The following JMJD1C variants were observed in gnomAD, a reference collection of about 807,000 sequenced individuals.
JMJD1C encodes the protein jumonji domain containing 1C, also known as jumonji domain-containing protein 1C.
Under a neutral mutation model 245.3 loss-of-function variants are expected in JMJD1C, and 31 were observed. The observed-to-expected ratio is 0.13, with a 90% CI of 0.09 to 0.17. The LOEUF is 0.17. Ranked by LOEUF, JMJD1C falls within the 10% of genes least tolerant of loss-of-function variation. The pLI is 1.00. For synonymous variants in JMJD1C, 1,057 were observed against 1,017.4 expected (o/e 1.04, Z -0.74); for missense variants, 2,691 against 3,000.2 (o/e 0.90, Z 2.41).
chr10:63,380,031 T>C (rs1835945276), intron 2 of JMJD1C, among the ~76,000 whole-genome samples: 1 of 151,994 alleles, frequency 6.6e-6, no homozygotes, highest in African/African-American at 2.4e-5. Flanking sequence ...ACTTGGATTC[T>C]TGGGCTCACG....
chr10:63,189,417 G>A lies in JMJD1C; in HGVS notation c.6321C>T (p.Asn2107=). 6.2e-7 allele frequency: 1 copy of A among 1,613,388 alleles called. No homozygotes were observed. The highest frequency in any genetic ancestry group is 8.5e-7 in the Non-Finnish European group (1 of 1,179,804). The part of the protein sequence containing the change: ...PSSKSGRTMP[N]ILDDIIASVV... ...CTGAAGCAATTATGTCATCAAGAATGTTAGGCATAGTCCGTCCACTTTTGC... is the reference window on the plus strand; with the variant it reads ...CTGAAGCAATTATGTCATCAAGAATATTAGGCATAGTCCGTCCACTTTTGC... The change falls in exon 18 of 26, where the codon AAC becomes AAT. Residue 2107 remains asparagine (N), a synonymous_variant. Transcript: ENST00000399262.
intron 2 of JMJD1C, among the ~76,000 whole-genome samples, chr10:63,303,757 T>G (rs766565299): frequency 1.3e-5 from 2 of 152,178 alleles, no homozygotes; most frequent in Non-Finnish European, 2.9e-5. Context: ...TACAAACTAT[T>G]TGGATACAGG....
chr10:63,427,342 G>C (rs1950502238), intron 1 of JMJD1C: 2 of 1,088,014 alleles, frequency 1.8e-6, no homozygotes, highest in Admixed American at 3.8e-5. Flanking sequence ...GAGTTCCTGG[G>C]ACCAAGTGTT....
intron 2 of JMJD1C, among the ~76,000 whole-genome samples, chr10:63,328,290 AG>A (rs1354942965): frequency 8.6e-6 from 1 of 116,170 alleles, no homozygotes; most frequent in Non-Finnish European, 1.6e-5. Flanking sequence ...AAAAAAAAAA[AG>A]AAAGAAAAGA....
chr10:63,205,885 G>A (rs887382007), intron 10 of JMJD1C, among the ~76,000 whole-genome samples: 1 of 152,062 alleles, frequency 6.6e-6, no homozygotes, highest in Non-Finnish European at 1.5e-5. Context: ...GTGCGGTGGT[G>A]CAATCATGGC....
intron 1 of JMJD1C, among the ~76,000 whole-genome samples, chr10:63,493,249 CTTTTTTTTTT>C (rs752941477): frequency 1.6e-4 from 8 of 49,142 alleles, no homozygotes; most frequent in East Asian, 7.9e-4. Flanking sequence ...ACTGTTATTT[CTTTTTTTTTT>C]TTTTTTTTTT....
At chr10:63,482,241 T>C (rs1405450036) in intron 1 of JMJD1C, among the ~76,000 whole-genome samples, 1 of 152,220 alleles carries the variant, frequency 6.6e-6, no homozygotes, top group Non-Finnish European at 1.5e-5. Context: ...ATTAAGGACT[T>C]AACTATTCAC....
intron 3 of JMJD1C, among the ~76,000 whole-genome samples, chr10:63,260,454 T>C (rs530272050): frequency 2.0e-5 from 3 of 152,266 alleles, no homozygotes; most frequent in African/African-American, 7.2e-5. Context: ...AGCTAAATAT[T>C]TCATTTCATT....
chr10:63,369,161 T>C lies in JMJD1C; in HGVS notation c.333+11157A>G, dbSNP rs575211091. 1.1e-4 allele frequency among the ~76,000 whole-genome samples: 17 copies of C among 152,132 alleles called. 1 individual carries two copies. The South Asian group carries it at 3.5e-3, about 32-fold the overall frequency. ...TCTTTCTCTTTCTCTCTCTCTTTTC[T>C]TCTCCTCTTCTCGTCTCACTCTGTT... is the stretch of plus-strand genomic sequence containing the variant. On this transcript the variant is annotated intron_variant, in intron 2 of 25. Transcript: ENST00000399262.
intron 2 of JMJD1C, among the ~76,000 whole-genome samples, chr10:63,280,258 A>T (rs1857238571): frequency 6.6e-6 from 1 of 152,126 alleles, no homozygotes; most frequent in African/African-American, 2.4e-5. Flanking sequence ...TTATTTAAAA[A>T]GTTAGTGTAG....
intron 2 of JMJD1C, among the ~76,000 whole-genome samples, chr10:63,320,371 A>G (rs1230694069): frequency 6.6e-6 from 1 of 152,036 alleles, no homozygotes; most frequent in African/African-American, 2.4e-5. Context: ...GTAATCCAGT[A>G]TATTATTTTT....
intron 2 of JMJD1C, among the ~76,000 whole-genome samples, chr10:63,337,558 G>GAA (rs1181614030): frequency 4.7e-5 from 1 of 21,330 alleles, no homozygotes; most frequent in South Asian, 2.2e-3. Flanking sequence ...GACAAGAAAA[G>GAA]AAAAGAAAAG....
chr10:63,242,583 G>T (rs1851620494), intron 3 of JMJD1C, among the ~76,000 whole-genome samples: 1 of 152,124 alleles, frequency 6.6e-6, no homozygotes, highest in South Asian at 2.1e-4. Flanking sequence ...AAAATTAGCT[G>T]GGCATGGTGG....
chr10:63,236,171 CTTT>C (rs1360446720), intron 3 of JMJD1C, among the ~76,000 whole-genome samples: 3 of 152,110 alleles, frequency 2.0e-5, no homozygotes, highest in Non-Finnish European at 4.4e-5. Flanking sequence ...TATTAACTAG[CTTT>C]TTTATTAATT....
At chr10:63,325,546 G>A (rs937582688) in intron 2 of JMJD1C, among the ~76,000 whole-genome samples, 3 of 152,044 alleles carry the variant, frequency 2.0e-5, no homozygotes, top group Admixed American at 2.0e-4. Context: ...GTCAATTTCT[G>A]GCTCTTTGGA....
intron 1 of JMJD1C, among the ~76,000 whole-genome samples, chr10:63,514,743 A>C (rs1256761371): frequency 6.6e-6 from 1 of 152,124 alleles, no homozygotes; most frequent in Admixed American, 6.5e-5. Flanking sequence ...CCTAGGTAAC[A>C]GACCACACAC....
intron 2 of JMJD1C, among the ~76,000 whole-genome samples, chr10:63,374,748 A>G (rs1428520904): frequency 2.0e-5 from 3 of 152,228 alleles, no homozygotes; most frequent in Non-Finnish European, 2.9e-5. Flanking sequence ...GCCATTAAAA[A>G]TGATCCTAAA....
rs1172846166 is a variant in JMJD1C at position 63,457,246 on chromosome 10, T to C, written c.168+8249A>G. On this transcript the variant is annotated intron_variant, in intron 1 of 25. Coordinates refer to ENST00000399262, the MANE Select transcript of JMJD1C (RefSeq NM_032776.3). Reference sequence around the variant, plus strand: ...GAAGAAATCTGCAGAACTAAGTTAATGCCAACGTTCAAGGTGGAAAAACAT... The same window carrying C: ...GAAGAAATCTGCAGAACTAAGTTAACGCCAACGTTCAAGGTGGAAAAACAT... Among the ~76,000 whole-genome samples the C allele has an allele frequency of 5.9e-5, 9 of 152,302 alleles. No individual in the cohort carries two copies. The South Asian group carries it at 8.3e-4, about 14-fold the overall frequency.
chr10:63,291,106 A>C (rs1360831449), intron 2 of JMJD1C, among the ~76,000 whole-genome samples: 1 of 151,534 alleles, frequency 6.6e-6, no homozygotes, highest in Non-Finnish European at 1.5e-5. Flanking sequence ...GGAGTTCAAG[A>C]CCAGCCTGGC....
Sources: allele counts gnomAD v4.1 joint callset (sites outside exome capture counted in the v4.1 genomes callset), GRCh38; gene constraint gnomAD v4.1.1; transcripts MANE v1.5; gene names NCBI Gene and HGNC (gene_info 2026-07-23, HGNC 2026-07-21).